PRKAR1A: variants seen among roughly 807,000 people sequenced by gnomAD.
The protein encoded by PRKAR1A is cAMP-dependent protein kinase type I-alpha regulatory subunit.
Under a neutral mutation model 52.0 loss-of-function variants are expected in PRKAR1A, and 3 were observed. That is an observed-to-expected ratio of 0.06 (90% CI 0.03 to 0.15). The LOEUF is 0.15. Ranked by LOEUF, PRKAR1A falls within the 10% of genes least tolerant of loss-of-function variation. The pLI is 1.00. For synonymous variants in PRKAR1A, 188 were observed against 168.4 expected (o/e 1.12, Z -0.90); for missense variants, 240 against 477.4 (o/e 0.50, Z 4.63).
chr17:68,417,749 T>TTTTA, the PRKAR1A span, among the ~76,000 whole-genome samples: 38 of 123,886 alleles, frequency 3.1e-4, no homozygotes, highest in Admixed American at 2.3e-3. Flanking sequence ...TTTTTTTTTT[T>TTTTA]TTTTTTTTTT....
rs2085989129 is a variant in PRKAR1A, at chr17:68,532,014, T to C, written c.*1565T>C. On this transcript the variant is annotated 3_prime_UTR_variant, in exon 11 of 11. Transcript: ENST00000589228. Reference sequence around the variant, plus strand: ...GTAATTTAAATTGGTCATGGTAGATTTTTTTCATAGATTTGAAAAACTTTT... The same window carrying C: ...GTAATTTAAATTGGTCATGGTAGATCTTTTTCATAGATTTGAAAAACTTTT... 9.4e-7 allele frequency: 1 copy of C among 1,065,482 alleles called. No homozygotes were observed. Among genetic ancestry groups the C allele is most frequent in the African/African-American group, 1.6e-5 (1 of 61,088 alleles). The allele number at this position is 1,065,482 out of a possible 1,614,324, so 66.0% of individuals were successfully genotyped here.
At chr17:68,542,143 G>C in intron 11 of PRKAR1A, 1 of 1,614,060 alleles carries the variant, frequency 6.2e-7, no homozygotes, top group Non-Finnish European at 8.5e-7. Flanking sequence ...ATGGACACTT[G>C]GCGAAGAAGC....
chr17:68,548,725 ATTTTTTTTTTT>A (rs753348891), intron 11 of PRKAR1A, among the ~76,000 whole-genome samples: 2 of 79,158 alleles, frequency 2.5e-5, no homozygotes, highest in African/African-American at 5.5e-5. Context: ...ATGCCTGTAT[ATTTTTTTTTTT>A]TTTTTTTTTT....
the PRKAR1A span, chr17:68,420,320 C>G: frequency 6.2e-7 from 1 of 1,614,018 alleles, no homozygotes; most frequent in East Asian, 2.2e-5. Context: ...CCAGGCTGTG[C>G]TGCCCGAGGT....
chr17:68,504,448 A>G, the PRKAR1A span, among the ~76,000 whole-genome samples: 5 of 152,174 alleles, frequency 3.3e-5, no homozygotes, highest in Admixed American at 6.5e-5. Context: ...GCCTGGCGAC[A>G]GAGTGAGGTT....
chr17:68,475,920 T>C, the PRKAR1A span, among the ~76,000 whole-genome samples: 2 of 152,264 alleles, frequency 1.3e-5, no homozygotes, highest in Admixed American at 6.5e-5. Flanking sequence ...ATTGTTGTTC[T>C]CTTTAAAGTT....
At chr17:68,534,816 C>T (rs998608820), downstream of PRKAR1A, among the ~76,000 whole-genome samples, 4 of 152,102 alleles carry the variant, frequency 2.6e-5, no homozygotes, top group South Asian at 2.1e-4. Context: ...ACATAAAACA[C>T]GCACACAGCA....
chr17:68,538,127 A>C (rs950989586), downstream of PRKAR1A, among the ~76,000 whole-genome samples: 10 of 152,248 alleles, frequency 6.6e-5, no homozygotes, highest in Non-Finnish European at 1.5e-5. Context: ...TTGCTGTCTC[A>C]AAATCCCCCA....
chr17:68,425,175 C>T, the PRKAR1A span, among the ~76,000 whole-genome samples: 7 of 152,204 alleles, frequency 4.6e-5, no homozygotes, highest in Non-Finnish European at 7.3e-5. Context: ...TCCTGCCCTG[C>T]ACCTGCTGCC....
the PRKAR1A span, among the ~76,000 whole-genome samples, chr17:68,461,840 G>A: frequency 3.9e-5 from 6 of 152,260 alleles, no homozygotes; most frequent in East Asian, 1.2e-3. This position sits in a 1 kb window ranked among gnomAD's most constrained non-coding sequence, Gnocchi z 4.6. Context: ...GAGGGGTTGG[G>A]CTGTGGGGTG....
At chr17:68,442,989 AC>A in the PRKAR1A span, among the ~76,000 whole-genome samples, 3 of 152,226 alleles carry the variant, frequency 2.0e-5, no homozygotes, top group African/African-American at 4.8e-5. Flanking sequence ...GGAAAAACTT[AC>A]CACCCACAGC....
the PRKAR1A span, among the ~76,000 whole-genome samples, chr17:68,498,760 C>T: frequency 2.0e-5 from 3 of 152,204 alleles, no homozygotes; most frequent in African/African-American, 7.2e-5. Context: ...ACATCTTCTT[C>T]GAGTGTTAAC....
chr17:68,503,367 G>A, the PRKAR1A span, among the ~76,000 whole-genome samples: 4 of 152,120 alleles, frequency 2.6e-5, no homozygotes, highest in African/African-American at 9.7e-5. Context: ...TGAACTTCTT[G>A]CTATTTACTC....
the PRKAR1A span, chr17:68,426,242 TG>T: frequency 3.0e-6 from 2 of 669,002 alleles, no homozygotes; most frequent in Non-Finnish European, 4.4e-6. Flanking sequence ...ACCTGGCGGG[TG>T]GGGAGCGGGG....
downstream of PRKAR1A, chr17:68,535,318 A>T (rs941319937): frequency 1.8e-5 from 8 of 454,022 alleles, no homozygotes; most frequent in Admixed American, 4.7e-5. Flanking sequence ...GGTGAAATTC[A>T]AGCCTATTGC....
chr17:68,430,901 A>C, the PRKAR1A span, among the ~76,000 whole-genome samples: 1 of 152,178 alleles, frequency 6.6e-6, no homozygotes, highest in African/African-American at 2.4e-5. Context: ...CCTGGTGGGA[A>C]GCTCGCCCTG....
intron 6 of PRKAR1A, among the ~76,000 whole-genome samples, chr17:68,525,437 A>C (rs982555664): frequency 6.6e-6 from 1 of 152,208 alleles, no homozygotes; most frequent in Non-Finnish European, 1.5e-5. Flanking sequence ...TGCAAGTAAA[A>C]TGTTTAGCAT....
intron 11 of PRKAR1A, among the ~76,000 whole-genome samples, chr17:68,544,687 T>G (rs1357245021): frequency 6.6e-6 from 1 of 151,992 alleles, no homozygotes; most frequent in Non-Finnish European, 1.5e-5. Flanking sequence ...AGATTCTATT[T>G]TAAAAGGTGC....
chr17:68,429,905 T>C, the PRKAR1A span: 3 of 1,583,730 alleles, frequency 1.9e-6, no homozygotes, highest in African/African-American at 4.1e-5. Context: ...AAGTTTTCTT[T>C]TTTTCTTTTC....
Sources: allele counts gnomAD v4.1 joint callset (sites outside exome capture counted in the v4.1 genomes callset), GRCh38; gene constraint gnomAD v4.1.1; non-coding constraint Gnocchi (gnomAD v3.1); transcripts MANE v1.5; gene names NCBI Gene and HGNC (gene_info 2026-07-23, HGNC 2026-07-21).